BTD: variants seen among roughly 807,000 people sequenced by gnomAD.
BTD encodes biocytinase.
BTD carries 13 observed loss-of-function variants against 17.7 expected under a neutral mutation model. The ratio of observed to expected loss-of-function variants is 0.74; its 90% CI spans 0.48 to 1.17. The LOEUF (loss-of-function observed/expected upper bound fraction) is 1.17, where lower values mean the gene tolerates loss of function less well. Ranked by LOEUF, BTD falls within the 50% of genes most tolerant of loss-of-function variation. BTD has a pLI of 0.00. For synonymous variants in BTD, 240 were observed against 245.2 expected, an observed-to-expected ratio of 0.98 and a Z score of 0.20; for missense variants, 674 against 650.4, an observed-to-expected ratio of 1.04 and a Z score of -0.39.
At chr3:15,655,802 T>C (rs563286969), downstream of BTD, among the ~76,000 whole-genome samples, 8 of 152,308 alleles carry the variant, frequency 5.3e-5, no homozygotes, top group African/African-American at 1.9e-4. Context: ...CTTTGTTGTT[T>C]TTACTTTGTT....
At chr3:15,627,846 C>T (rs1312870283) in intron 1 of BTD, among the ~76,000 whole-genome samples, 2 of 152,250 alleles carry the variant, frequency 1.3e-5, no homozygotes, top group East Asian at 3.9e-4. Context: ...TTCAGCCTCC[C>T]AAGTAGCTGG....
chr3:15,672,711 G>T (rs2066499463), intron 3 of BTD, among the ~76,000 whole-genome samples: 1 of 152,152 alleles, frequency 6.6e-6, no homozygotes, highest in African/African-American at 2.4e-5. Context: ...CGGGAGTGGG[G>T]AAAGAAGCTT....
chr3:15,709,638 G>C, intron 3 of BTD: 3 of 1,455,558 alleles, frequency 2.1e-6, no homozygotes, highest in Non-Finnish European at 2.8e-6. Flanking sequence ...GTAAAAATAG[G>C]CTCCATAAAG....
chr3:15,717,249 G>A (rs1178858960), downstream of BTD, among the ~76,000 whole-genome samples: 1 of 152,080 alleles, frequency 6.6e-6, no homozygotes, highest in South Asian at 2.1e-4. Context: ...AGGTAGCTGG[G>A]ACTAAAGGCA....
chr3:15,696,530 T>C (rs1459390688), intron 3 of BTD, among the ~76,000 whole-genome samples: 1 of 152,102 alleles, frequency 6.6e-6, no homozygotes, highest in Non-Finnish European at 1.5e-5. Flanking sequence ...ACACAGTCTC[T>C]ATCTATACCA....
intron 4 of BTD, among the ~76,000 whole-genome samples, chr3:15,717,781 A>G (rs115861302): frequency 1.7e-3 from 264 of 152,330 alleles, no homozygotes; most frequent in African/African-American, 5.9e-3. Context: ...AAGCAGTTCT[A>G]AAAAACAGAC....
chr3:15,653,184 C>G lies in BTD; in HGVS notation c.*7696C>G, dbSNP rs998018258. ...CAAATTCTTGGGCTCCACCCCAGAT[C>G]AACTTAATCGGACTCTCTGGGAGTA... On this transcript the variant is annotated 3_prime_UTR_variant, in exon 4 of 4. Coordinates refer to ENST00000643237, the MANE Select transcript of BTD (RefSeq NM_001370658.1). Among the ~76,000 whole-genome samples the G allele has an allele frequency of 6.6e-6, 1 of 152,260 alleles. No homozygotes were observed. The highest frequency in any genetic ancestry group is 1.5e-5 in the Non-Finnish European group (1 of 68,048).
chr3:15,705,850 T>C lies in BTD; in HGVS notation c.400-4210T>C, dbSNP rs561896628. ...TCTGTCTCTACTAAAATTACAAAAA[T>C]TAGCCAGGCATGGTGGCAGGCACCT... On this transcript the variant is annotated intron_variant, in intron 3 of 3. Coordinates refer to the BTD transcript ENST00000672141. Among the ~76,000 whole-genome samples, 10 of 144,396 alleles carry C rather than the reference T, an allele frequency of 6.9e-5. No individual in the cohort carries two copies. The South Asian group carries it at 2.3e-3, about 33-fold the overall frequency. The allele number at this position is 144,396 out of a possible 152,430, so 94.7% of individuals were successfully genotyped here. A position where few individuals can be genotyped will look rare whatever the true frequency, so the allele number is the denominator to read the frequency against.
At chr3:15,707,796 A>AT in intron 3 of BTD, 1 of 1,142,098 alleles carries the variant, frequency 8.8e-7, no homozygotes, top group Non-Finnish European at 1.2e-6. Flanking sequence ...TTCCCAAAAT[A>AT]GACTTAGGGC....
At chr3:15,613,072 T>C (rs1006336206) in intron 1 of BTD, among the ~76,000 whole-genome samples, 3 of 152,198 alleles carry the variant, frequency 2.0e-5, no homozygotes, top group Non-Finnish European at 4.4e-5. Flanking sequence ...GGTAATCTCT[T>C]TTGATTAACT....
chr3:15,644,961 C>G lies in BTD; in HGVS notation c.1045C>G (p.Pro349Ala). The G allele has an allele frequency of 6.2e-7, 1 of 1,614,180 alleles. No homozygotes were observed. The highest frequency in any genetic ancestry group is 8.5e-7 in the Non-Finnish European group (1 of 1,180,026). Residue 349 changes from proline to alanine, a missense_variant, in exon 4 of 4, where the codon CCG becomes GCG. Physicochemically the swap from Pro to Ala is conservative, Grantham distance 27 (BLOSUM62 -1). Coordinates refer to ENST00000643237, the MANE Select transcript of BTD (RefSeq NM_001370658.1). ...SKFLKILSGD[P>A]YCEKDAQEVH... Reference sequence around the variant, plus strand: ...GTTTTTAAAAATTTTGTCAGGCGATCCGTACTGTGAGAAGGATGCTCAGGA... The same window carrying G: ...GTTTTTAAAAATTTTGTCAGGCGATGCGTACTGTGAGAAGGATGCTCAGGA...
intron 3 of BTD, chr3:15,676,789 C>A: frequency 2.2e-6 from 1 of 447,728 alleles, no homozygotes; most frequent in South Asian, 3.9e-5. Flanking sequence ...AGTTCAAAAG[C>A]ATTTTAAATA....
intron 3 of BTD, chr3:15,708,201 T>C: frequency 2.1e-6 from 2 of 946,280 alleles, no homozygotes; most frequent in South Asian, 3.6e-5. Flanking sequence ...TACTAAGTCT[T>C]GCGGAGGACT....
At chr3:15,654,899 T>C (rs2065856558), downstream of BTD, among the ~76,000 whole-genome samples, 1 of 152,208 alleles carries the variant, frequency 6.6e-6, no homozygotes, top group Admixed American at 6.5e-5. Flanking sequence ...CATACCCGGC[T>C]AATTTTGTAT....
intron 3 of BTD, among the ~76,000 whole-genome samples, chr3:15,665,103 T>A (rs1382449613): frequency 6.6e-6 from 1 of 151,964 alleles, no homozygotes; most frequent in Non-Finnish European, 1.5e-5. Context: ...AGTAGACAAG[T>A]AAGAGTCATA....
chr3:15,640,338 G>A (rs190861242), intron 2 of BTD, among the ~76,000 whole-genome samples: 37 of 151,560 alleles, frequency 2.4e-4, no homozygotes, highest in Admixed American at 1.0e-3. Flanking sequence ...AAATTATGGC[G>A]TCCTCTTAAA....
Position 15,651,193 on chromosome 3 carries a change from C to G in BTD, c.*5705C>G, listed in dbSNP as rs892599367. 6.6e-6 allele frequency among the ~76,000 whole-genome samples: 1 copy of G among 152,178 alleles called. No homozygotes were observed. The highest frequency in any genetic ancestry group is 1.5e-5 in the Non-Finnish European group (1 of 68,028). Reference sequence around the variant, plus strand: ...GTGGGGACTGTTTCCCAGGGGAACACTGGGACAGCGTTACCAGGGGAAGGG... The same window carrying G: ...GTGGGGACTGTTTCCCAGGGGAACAGTGGGACAGCGTTACCAGGGGAAGGG... On this transcript the variant is annotated 3_prime_UTR_variant, in exon 4 of 4. Coordinates refer to ENST00000643237, the MANE Select transcript of BTD (RefSeq NM_001370658.1).
downstream of BTD, among the ~76,000 whole-genome samples, chr3:15,713,288 C>G (rs761903314): frequency 1.3e-5 from 2 of 152,060 alleles, no homozygotes; most frequent in African/African-American, 2.4e-5. Context: ...ATCAAAACTG[C>G]GTTATTACTC....
chr3:15,707,775 A>C (rs2071655155), intron 3 of BTD: 1 of 928,502 alleles, frequency 1.1e-6, no homozygotes, highest in Admixed American at 2.7e-5. Flanking sequence ...ATAACTATGA[A>C]ACCAATCTAT....
Sources: allele counts gnomAD v4.1 joint callset (sites outside exome capture counted in the v4.1 genomes callset), GRCh38; gene constraint gnomAD v4.1.1; transcripts MANE v1.5; gene names NCBI Gene and HGNC (gene_info 2026-07-23, HGNC 2026-07-21).